Variants in ADPRH observed in about 807,000 individuals in gnomAD.
ADPRH encodes ADP-ribosylarginine hydrolase.
ADPRH carries 27 observed loss-of-function variants against 28.8 expected under a neutral mutation model. That is an observed-to-expected ratio of 0.94 (90% CI 0.69 to 1.29). ADPRH has a LOEUF of 1.29. Among genes scored for constraint, ADPRH ranks in the 50% most tolerant of loss-of-function variants. ADPRH has a pLI of 0.00. For missense variants in ADPRH, 419 were observed against 444.8 expected (o/e 0.94, Z 0.52); for synonymous variants, 161 against 166.9 (o/e 0.96, Z 0.27).
intron 4 of ADPRH, among the ~76,000 whole-genome samples, chr3:119,587,221 G>T (rs1021392111): frequency 2.0e-5 from 3 of 152,132 alleles, no homozygotes; most frequent in African/African-American, 7.2e-5. Flanking sequence ...CCTTTAACTT[G>T]ATATGTATCT....
chr3:119,587,461 C>T lies in ADPRH; in HGVS notation c.660-3C>T. 1 of 1,512,974 alleles carries T rather than the reference C, an allele frequency of 6.6e-7. No individual in the cohort carries two copies. The highest frequency in any genetic ancestry group is 8.8e-7 in the Non-Finnish European group (1 of 1,130,880). 93.7% of individuals were successfully genotyped at this position (1,512,974 alleles called of 1,614,324 possible). ...TTGACTCTAGATTTTTTCCTTTCTA[C>T]AGGTCCTACTTCCAAACCAAATGGG... On this transcript the variant is annotated splice_region_variant and splice_polypyrimidine_tract_variant and intron_variant, in intron 4 of 4. Transcript: ENST00000357003.
At chr3:119,581,127 G>A (rs1228835424) in intron 2 of ADPRH, among the ~76,000 whole-genome samples, 4 of 149,504 alleles carry the variant, frequency 2.7e-5, no homozygotes, top group South Asian at 2.1e-4. Context: ...GAGTGCAGTG[G>A]CACAATCTCG....
intron 2 of ADPRH, 63 bp from the exon 3 acceptor site, chr3:119,582,071 G>GTGGT: frequency 1.6e-6 from 2 of 1,268,986 alleles, no homozygotes; most frequent in East Asian, 2.3e-5. Context: ...AGCTAGAGTC[G>GTGGT]TTGTTTTTTC....
chr3:119,587,777 C>A lies in ADPRH; in HGVS notation c.973C>A (p.Pro325Thr), dbSNP rs138641147. The A allele has an allele frequency of 6.2e-7, 1 of 1,614,118 alleles. No homozygotes were observed. Among genetic ancestry groups the A allele is most frequent in the African/African-American group, 1.3e-5 (1 of 75,036 alleles). Residue 325 changes from proline to threonine, a missense_variant, in exon 5 of 5, where the codon CCC becomes ACC. Transcript: ENST00000357003. ...TATGTATGGTTTTAAAGGAGTGAGT[C>A]CCTCCAACTATGAGAAACTAGAATA... Reference protein sequence around the residue: ...GVMYGFKGVSPSNYEKLEYRN... With the variant: ...GVMYGFKGVSTSNYEKLEYRN...
chr3:119,582,081 C>A (rs528941035), intron 2 of ADPRH, 53 bp from the exon 3 acceptor site: 3,680 of 547,472 alleles, frequency 6.7e-3, no homozygotes, highest in East Asian at 0.011. Context: ...GTTGTTTTTT[C>A]TGATTCTTCT....
At position 119,587,619 on chromosome 3, in the gene ADPRH, A is replaced by G. The variant is rs770912513; in HGVS notation, c.815A>G (p.His272Arg). Reference sequence around the variant, plus strand: ...TCTGGCTGGGGTGGCAGCAGTGGGCACGATGCCCCCATGATTGCCTACGAT... The same window carrying G: ...TCTGGCTGGGGTGGCAGCAGTGGGCGCGATGCCCCCATGATTGCCTACGAT... ...SYSGWGGSSG[H>R]DAPMIAYDAV... Residue 272 changes from histidine (H) to arginine (R), a missense_variant, in exon 5 of 5, where the codon CAC (histidine) becomes CGC (arginine). Coordinates refer to ENST00000357003, the MANE Select transcript of ADPRH (RefSeq NM_001125.4). 3.1e-6 allele frequency: 5 copies of G among 1,614,230 alleles called. No individual in the cohort carries two copies. The highest frequency in any genetic ancestry group is 1.3e-5 in the African/African-American group (1 of 75,074).
chr3:119,582,585 A>G, intron 3 of ADPRH, 118 bp downstream of exon 3: 1 of 1,207,314 alleles, frequency 8.3e-7, no homozygotes, highest in Non-Finnish European at 1.1e-6. Context: ...TAAATGTGAT[A>G]AAAATAGAAA....
chr3:119,584,086 A>AT (rs1463747271), intron 3 of ADPRH, among the ~76,000 whole-genome samples: 5 of 151,644 alleles, frequency 3.3e-5, no homozygotes, highest in Non-Finnish European at 1.5e-5. Flanking sequence ...CCAAAAAAAA[A>AT]CTTTTTTTTA....
At position 119,585,979 on chromosome 3, in the gene ADPRH, T is replaced by A. The variant is rs149111505; in HGVS notation, c.299-306T>A. ...TAAGCTCTGAGCTTAAAAGGCTTAT[T>A]TACTTAAAAAAGAGAACAATATACT... is the stretch of plus-strand genomic sequence containing the variant. On this transcript the variant is annotated intron_variant, in intron 3 of 4. Transcript: ENST00000357003. Among the ~76,000 whole-genome samples, 1,189 of 152,374 alleles carry A rather than the reference T, an allele frequency of 7.8e-3. 11 individuals are homozygous for A. Among genetic ancestry groups the A allele is most frequent in the Middle Eastern group, 0.014 (4 of 294 alleles).
At chr3:119,583,361 A>G (rs1446416300) in intron 3 of ADPRH, among the ~76,000 whole-genome samples, 2 of 152,216 alleles carry the variant, frequency 1.3e-5, no homozygotes, top group Non-Finnish European at 2.9e-5. Context: ...AAAATAACCA[A>G]TAGAGTAAAT....
At position 119,582,334 on chromosome 3, in the gene ADPRH, C is replaced by T. The variant is rs149799527; in HGVS notation, c.165C>T (p.Asp55=). The T allele has an allele frequency of 4.2e-4, 680 of 1,614,152 alleles. 7 individuals are homozygous for T. In the East Asian group the frequency reaches 0.013, roughly 30 times the overall value. The part of the protein sequence containing the change: ...ALDVGRWRVS[D]DTVMHLATAE... Reference sequence around the variant, plus strand: ...ACGTGGGAAGGTGGAGAGTTAGTGACGACACAGTGATGCACTTGGCCACAG... The same window carrying T: ...ACGTGGGAAGGTGGAGAGTTAGTGATGACACAGTGATGCACTTGGCCACAG... The change falls in exon 3 of 5, where the codon GAC becomes GAT. Residue 55 remains aspartate, a synonymous_variant. Coordinates refer to ENST00000357003, the MANE Select transcript of ADPRH (RefSeq NM_001125.4).
In ADPRH at chr3:119,582,458, C is replaced by T. The variant is rs751996500; in HGVS notation, c.289C>T (p.Arg97Trp). Residue 97 changes from arginine to tryptophan, a missense_variant, in exon 3 of 5, where the codon CGG (arginine) becomes TGG (tryptophan). Physicochemically the swap from Arg to Trp is moderately radical, Grantham distance 101 (BLOSUM62 -3). Transcript: ENST00000357003. ...YQDCMEDMDG[R>W]APGGASVHNA... ...AGACTGCATGGAAGACATGGATGGG[C>T]GGGCACCAGGTGAGCACAGCCGGTG... 1.3e-5 allele frequency: 21 copies of T among 1,612,238 alleles called. No individual in the cohort carries two copies. Among genetic ancestry groups the T allele is most frequent in the Non-Finnish European group, 1.6e-5 (19 of 1,178,582 alleles).
Position 119,586,457 on chromosome 3 carries a change from G to C in ADPRH, c.471G>C (p.Glu157Asp), listed in dbSNP as rs763944173. 7.4e-6 allele frequency: 12 copies of C among 1,614,212 alleles called. No homozygotes were observed. Among genetic ancestry groups the C allele is most frequent in the East Asian group, 4.5e-5 (2 of 44,888 alleles). The change falls in exon 4 of 5, where the codon GAG becomes GAC. Residue 157 changes from glutamate to aspartate, a missense_variant. By Grantham distance (45) the Glu-to-Asp change is conservative. Transcript: ENST00000357003. ...ACACACTGATCCAAGTGAGCATCGAGAGTGGTCGGATGACCCACCACCACC... is the reference window on the plus strand; with the variant it reads ...ACACACTGATCCAAGTGAGCATCGACAGTGGTCGGATGACCCACCACCACC... ...QLDTLIQVSI[E>D]SGRMTHHHPT...
Position 119,587,449 on chromosome 3 carries a change from T to G in ADPRH, c.660-15T>G. The G allele has an allele frequency of 6.7e-7, 1 of 1,493,386 alleles. No individual in the cohort carries two copies. The allele number at this position is 1,493,386 out of a possible 1,614,324, so 92.5% of individuals were successfully genotyped here. A position where few individuals can be genotyped will look rare whatever the true frequency, so the allele number is the denominator to read the frequency against. On this transcript the variant is annotated splice_polypyrimidine_tract_variant and intron_variant, in intron 4 of 4. Coordinates refer to ENST00000357003, the MANE Select transcript of ADPRH (RefSeq NM_001125.4). ...TATTTTTTTCAATTGACTCTAGATT[T>G]TTTCCTTTCTACAGGTCCTACTTCC...
In ADPRH at chr3:119,579,602, G is replaced by A. The variant is rs939395120; in HGVS notation, c.-372G>A. 2 of 152,346 alleles carry A rather than the reference G, an allele frequency of 1.3e-5. No homozygotes were observed. The highest frequency in any genetic ancestry group is 2.1e-4 in the South Asian group (1 of 4,840). 9.4% of individuals were successfully genotyped at this position (152,346 alleles called of 1,614,324 possible). ...GGAGGTCCCGTCCACTCTCGCTTGG[G>A]TGCAGAAGGGCGCGGCGGTGCCAGG... On this transcript the variant is annotated 5_prime_UTR_variant, in exon 1 of 5. It adds an upstream start codon to the 5' untranslated region. Coordinates refer to ENST00000357003, the MANE Select transcript of ADPRH (RefSeq NM_001125.4).
intron 2 of ADPRH, 102 bp from the exon 3 acceptor site, chr3:119,582,032 C>G: frequency 1.1e-6 from 1 of 872,616 alleles, no homozygotes; most frequent in Non-Finnish European, 1.8e-6. Context: ...GATACAATGT[C>G]TGCAAGTAGT....
chr3:119,587,602 G>A lies in ADPRH; in HGVS notation c.798G>A (p.Trp266Ter), dbSNP rs144292904. The A allele has an allele frequency of 3.3e-3, 5,326 of 1,614,186 alleles. 12 individuals are homozygous for A. The highest frequency in any genetic ancestry group is 4.1e-3 in the Non-Finnish European group (4,780 of 1,180,016). The change falls in exon 5 of 5, where the codon TGG becomes TGA. Residue 266 changes from tryptophan (W) to a stop codon, truncating the protein, a stop_gained. Coordinates refer to ENST00000357003, the MANE Select transcript of ADPRH (RefSeq NM_001125.4). LOFTEE classifies it high-confidence loss of function. ...QFYTSLSYSG[W>*]GGSSGHDAPM... ...ACACCTCCCTGAGCTACTCTGGCTGGGGTGGCAGCAGTGGGCACGATGCCC... is the reference window on the plus strand; with the variant it reads ...ACACCTCCCTGAGCTACTCTGGCTGAGGTGGCAGCAGTGGGCACGATGCCC...
In ADPRH at chr3:119,586,332, A is replaced by T. The variant is rs368454824; in HGVS notation, c.346A>T (p.Asn116Tyr). Reference sequence around the variant, plus strand: ...CATGCAGCTGAAGCCGGGCAAGCCCAATGGCTGGAGGATTCCCTTCAACAG... The same window carrying T: ...CATGCAGCTGAAGCCGGGCAAGCCCTATGGCTGGAGGATTCCCTTCAACAG... ...NAMQLKPGKP[N>Y]GWRIPFNSHE... The change falls in exon 4 of 5, where the codon AAT (asparagine) becomes TAT (tyrosine). Residue 116 changes from asparagine to tyrosine, a missense_variant. Physicochemically the swap from Asn to Tyr is moderately radical, Grantham distance 143 (BLOSUM62 -2). Coordinates refer to ENST00000357003, the MANE Select transcript of ADPRH (RefSeq NM_001125.4). The T allele has an allele frequency of 1.6e-5, 26 of 1,613,912 alleles. No homozygotes were observed. Among genetic ancestry groups the T allele is most frequent in the Non-Finnish European group, 2.1e-5 (25 of 1,180,048 alleles).
chr3:119,584,680 T>C (rs1004577348), intron 3 of ADPRH, among the ~76,000 whole-genome samples: 1 of 152,234 alleles, frequency 6.6e-6, no homozygotes, highest in African/African-American at 2.4e-5. Context: ...TGATTTTCTC[T>C]GGCCCATCTG....
Sources: allele counts gnomAD v4.1 joint callset (sites outside exome capture counted in the v4.1 genomes callset), GRCh38; gene constraint gnomAD v4.1.1; transcripts MANE v1.5; gene names NCBI Gene and HGNC (gene_info 2026-07-23, HGNC 2026-07-21).